CACNA1C: variants seen among roughly 807,000 people sequenced by gnomAD.
CACNA1C encodes voltage-dependent L-type calcium channel subunit alpha-1C.
In CACNA1C, 30 loss-of-function variants were observed where a neutral mutation model predicts 229.0. That is an observed-to-expected ratio of 0.13 (90% CI 0.10 to 0.18). CACNA1C has a LOEUF of 0.18. CACNA1C is among the 10% of genes least tolerant of loss of function. The probability of loss-of-function intolerance (pLI) is 1.00; values close to 1 mark genes in which losing one functional copy is unlikely to be tolerated. For missense variants in CACNA1C, 1,658 were observed against 2,845.0 expected (o/e 0.58, Z 9.49); for synonymous variants, 1,114 against 1,132.5 (o/e 0.98, Z 0.33).
intron 3 of CACNA1C, among the ~76,000 whole-genome samples, chr12:2,197,657 T>G (rs2097450397): frequency 6.6e-6 from 1 of 152,236 alleles, no homozygotes; most frequent in South Asian, 2.1e-4. Context: ...AGTCAGGACT[T>G]CCTTCCTTTC....
At chr12:2,107,292 C>T (rs1266462667) in intron 1 of CACNA1C, among the ~76,000 whole-genome samples, 1 of 141,298 alleles carries the variant, frequency 7.1e-6, no homozygotes, top group Non-Finnish European at 1.5e-5. Flanking sequence ...GTCCTGAAGC[C>T]ACTGGGTGCT....
intron 3 of CACNA1C, among the ~76,000 whole-genome samples, chr12:2,186,413 C>T (rs1425513719): frequency 6.6e-6 from 1 of 152,166 alleles, no homozygotes; most frequent in Admixed American, 6.5e-5. Context: ...CGGCTGCGGG[C>T]CATGGGCAGG....
In CACNA1C at chr12:2,403,319, C is replaced by T. The variant is rs1230135873; in HGVS notation, c.478-45657C>T. Reference sequence around the variant, plus strand: ...CACACAGCTGACTAGCTGCTTGTGTCATTGGACGAGTGACTTCCCCTCTTG... The same window carrying T: ...CACACAGCTGACTAGCTGCTTGTGTTATTGGACGAGTGACTTCCCCTCTTG... On this transcript the variant is annotated intron_variant, in intron 3 of 46. Transcript: ENST00000399655. This position sits in a 1 kb window ranked among gnomAD's most constrained non-coding sequence, Gnocchi z 4.1. Among the ~76,000 whole-genome samples the T allele has an allele frequency of 1.3e-5, 2 of 152,168 alleles. No homozygotes were observed. The highest frequency in any genetic ancestry group is 2.9e-5 in the Non-Finnish European group (2 of 68,038).
Position 2,682,348 on chromosome 12 carries a change from C to T in CACNA1C, c.5445-202C>T, listed in dbSNP as rs541181918. 2.4e-3 allele frequency among the ~76,000 whole-genome samples: 358 copies of T among 152,314 alleles called. 1 individual carries two copies. Among genetic ancestry groups the T allele is most frequent in the Non-Finnish European group, 4.5e-3 (309 of 68,030 alleles). ...CCTTCTCCCAAATGGGACCCTCACC[C>T]TAATCTGAACACTTCTATGGATCCA... On this transcript the variant is annotated intron_variant, in intron 42 of 46. Transcript: ENST00000399655.
In CACNA1C at chr12:2,602,073, T is replaced by C. The variant is rs2153407191; in HGVS notation, c.2960+113T>C. The C allele has an allele frequency of 1.4e-6, 1 of 713,126 alleles. No individual in the cohort carries two copies. The highest frequency in any genetic ancestry group is 2.6e-5 in the East Asian group (1 of 38,506). 44.2% of individuals were successfully genotyped at this position (713,126 alleles called of 1,614,324 possible). On this transcript the variant is annotated intron_variant, in intron 22 of 46. Transcript: ENST00000399655. The surrounding 1 kb of genome is among the most constrained non-coding windows in gnomAD (Gnocchi z 4.4). ...CAGGGCCACCGCAGTGTGATGAGAG[T>C]GGGGTGGGGCCTCCAAAGCTGTGCA...
At chr12:2,144,468 A>G (rs1227576999) in intron 3 of CACNA1C, among the ~76,000 whole-genome samples, 5 of 151,394 alleles carry the variant, frequency 3.3e-5, no homozygotes, top group Non-Finnish European at 7.4e-5. Flanking sequence ...AGCACCTATC[A>G]TGTATGAGAC....
At chr12:2,289,697 C>G (rs950040414) in intron 3 of CACNA1C, among the ~76,000 whole-genome samples, 1 of 151,848 alleles carries the variant, frequency 6.6e-6, no homozygotes, top group Non-Finnish European at 1.5e-5. Flanking sequence ...GTTACGTGAT[C>G]AGTGTATCAG....
chr12:2,423,938 A>G (rs1333646712), intron 3 of CACNA1C, among the ~76,000 whole-genome samples: 2 of 152,080 alleles, frequency 1.3e-5, no homozygotes, highest in Middle Eastern at 3.2e-3. Context: ...TTGCTGTACT[A>G]TGGGCTCATG....
chr12:2,595,934 C>A lies in CACNA1C; in HGVS notation c.2724C>A (p.Phe908Leu). The change falls in exon 20 of 47, where the codon TTC becomes TTA. Residue 908 changes from phenylalanine (F) to leucine (L), a missense_variant. Physicochemically the swap from Phe to Leu is conservative, Grantham distance 22. Transcript: ENST00000399655. This position sits in a 1 kb window ranked among gnomAD's most constrained non-coding sequence, Gnocchi z 4.1. ...NDTIFTNLILFFILLSSISLA... is the reference protein window; with the variant it reads ...NDTIFTNLILLFILLSSISLA... ...CGATCTTCACCAACCTGATCCTCTTCTTCATTCTGCTCAGCAGCATTTCCC... is the reference window on the plus strand; with the variant it reads ...CGATCTTCACCAACCTGATCCTCTTATTCATTCTGCTCAGCAGCATTTCCC... 1 of 1,613,766 alleles carries A rather than the reference C, an allele frequency of 6.2e-7. No individual in the cohort carries two copies. Among genetic ancestry groups the A allele is most frequent in the South Asian group, 1.1e-5 (1 of 91,062 alleles).
intron 3 of CACNA1C, among the ~76,000 whole-genome samples, chr12:2,441,156 G>T (rs1223334191): frequency 6.6e-6 from 1 of 152,212 alleles, no homozygotes; most frequent in Non-Finnish European, 1.5e-5. Context: ...CTGTTTGGTG[G>T]AGAATTCTTG....
At chr12:2,415,157 G>A (rs2098857778) in intron 3 of CACNA1C, among the ~76,000 whole-genome samples, 1 of 152,180 alleles carries the variant, frequency 6.6e-6, no homozygotes, top group African/African-American at 2.4e-5. Flanking sequence ...CCACTTTTCT[G>A]TCTTGCTCTT....
At chr12:2,648,920 G>T (rs2153639983) in intron 31 of CACNA1C, among the ~76,000 whole-genome samples, 1 of 152,304 alleles carries the variant, frequency 6.6e-6, no homozygotes. Context: ...GAAGACAGGT[G>T]CTCTAGGCAG....
intron 1 of CACNA1C, among the ~76,000 whole-genome samples, chr12:2,057,542 C>T (rs1472528985): frequency 1.3e-5 from 2 of 152,176 alleles, no homozygotes; most frequent in African/African-American, 4.8e-5. Context: ...CCCAAAAGAC[C>T]AGTGTGTCTC....
intron 1 of CACNA1C, chr12:2,004,116 A>G (rs572895980): frequency 4.8e-5 from 46 of 965,678 alleles, no homozygotes; most frequent in Non-Finnish European, 6.8e-5. Context: ...CCTTCCCCCA[A>G]ACCCCCGAGA....
intron 34 of CACNA1C, among the ~76,000 whole-genome samples, chr12:2,662,198 C>G (rs1164609902): frequency 6.6e-6 from 1 of 150,508 alleles, no homozygotes; most frequent in Non-Finnish European, 1.5e-5. Context: ...GCCAAGATTG[C>G]GCCACTGCAC....
chr12:2,601,844 C>G lies in CACNA1C; in HGVS notation c.2854-10C>G, dbSNP rs767334396. On this transcript the variant is annotated splice_polypyrimidine_tract_variant and intron_variant, in intron 21 of 46. Coordinates refer to ENST00000399655, the MANE Select transcript of CACNA1C (RefSeq NM_000719.7). The surrounding 1 kb of genome is among the most constrained non-coding windows in gnomAD (Gnocchi z 5.9). ...CACTCACACTGGTGTTCCTTTGTCC[C>G]TCCCTGCAGATGACTGCTTATGGGG... 6.3e-6 allele frequency: 10 copies of G among 1,596,818 alleles called. No individual in the cohort carries two copies. The highest frequency in any genetic ancestry group is 8.6e-6 in the Non-Finnish European group (10 of 1,164,436).
chr12:2,459,464 TC>T (rs925221529), intron 5 of CACNA1C, among the ~76,000 whole-genome samples: 6 of 152,190 alleles, frequency 3.9e-5, no homozygotes, highest in African/African-American at 1.4e-4. Flanking sequence ...GAGTTTGTTT[TC>T]TTTGCAGTGG....
At chr12:2,642,137 A>G (rs80057053) in intron 30 of CACNA1C, among the ~76,000 whole-genome samples, 3 of 152,176 alleles carry the variant, frequency 2.0e-5, no homozygotes, top group East Asian at 3.9e-4. Flanking sequence ...CTGTTTTTTT[A>G]TAGGCATCCA....
rs1255912827 is a variant in CACNA1C, at chr12:2,348,117, G to T, written c.478-100859G>T. Among the ~76,000 whole-genome samples the T allele has an allele frequency of 6.6e-6, 1 of 152,196 alleles. No individual in the cohort carries two copies. The highest frequency in any genetic ancestry group is 1.5e-5 in the Non-Finnish European group (1 of 68,032). Reference sequence around the variant, plus strand: ...GGCAGGCCCACTCTCAACTCGAGGGGAGCCCCTCCTGCCTGCTGCAGGAGT... The same window carrying T: ...GGCAGGCCCACTCTCAACTCGAGGGTAGCCCCTCCTGCCTGCTGCAGGAGT... On this transcript the variant is annotated intron_variant, in intron 3 of 46. Transcript: ENST00000399655. This position sits in a 1 kb window ranked among gnomAD's most constrained non-coding sequence, Gnocchi z 4.7.
Sources: allele counts gnomAD v4.1 joint callset (sites outside exome capture counted in the v4.1 genomes callset), GRCh38; gene constraint gnomAD v4.1.1; non-coding constraint Gnocchi (gnomAD v3.1); transcripts MANE v1.5; gene names NCBI Gene and HGNC (gene_info 2026-07-23, HGNC 2026-07-21).